KIAA1549L: variants seen among roughly 807,000 people sequenced by gnomAD.
KIAA1549L encodes the protein UPF0606 protein KIAA1549L.
KIAA1549L carries 88 observed loss-of-function variants against 160.7 expected under a neutral mutation model. That is an observed-to-expected ratio of 0.55 (90% CI 0.46 to 0.65). KIAA1549L has a LOEUF of 0.65. Ranked by LOEUF, KIAA1549L falls within the 30% of genes least tolerant of loss-of-function variation. The pLI is 0.00. For synonymous variants in KIAA1549L, 950 were observed against 976.7 expected, an observed-to-expected ratio of 0.97 and a Z score of 0.51; for missense variants, 2,258 against 2,437.5, an observed-to-expected ratio of 0.93 and a Z score of 1.55.
chr11:33,406,120 C>T (rs1359591525), intron 1 of KIAA1549L, among the ~76,000 whole-genome samples: 1 of 152,156 alleles, frequency 6.6e-6, no homozygotes, highest in Non-Finnish European at 1.5e-5. Flanking sequence ...GATGAGCCTC[C>T]CTTTTTTACT....
intron 19 of KIAA1549L, among the ~76,000 whole-genome samples, chr11:33,660,573 A>AAG (rs1554931713): frequency 6.6e-5 from 10 of 151,100 alleles, no homozygotes; most frequent in South Asian, 2.1e-4. Flanking sequence ...TCAAAAAAAA[A>AAG]AAAGAAAGAA....
At chr11:33,631,261 G>A (rs1240933597) in intron 16 of KIAA1549L, among the ~76,000 whole-genome samples, 1 of 152,190 alleles carries the variant, frequency 6.6e-6, no homozygotes, top group Non-Finnish European at 1.5e-5. Context: ...TGGCCCAGAT[G>A]TGCCCTTCTA....
chr11:33,484,884 C>A (rs1388898660), intron 1 of KIAA1549L, among the ~76,000 whole-genome samples: 1 of 152,030 alleles, frequency 6.6e-6, no homozygotes, highest in Non-Finnish European at 1.5e-5. Flanking sequence ...ATGGATCATG[C>A]CCCTACTGGC....
chr11:33,524,583 T>A (rs10219251), intron 1 of KIAA1549L, among the ~76,000 whole-genome samples: 30,841 of 152,184 alleles, frequency 0.2, 3,401 homozygotes, highest in East Asian at 0.34. Context: ...AATTAAAACA[T>A]TTCAGTCTAT....
chr11:33,569,195 C>T (rs1449837528), intron 9 of KIAA1549L, among the ~76,000 whole-genome samples: 2 of 152,308 alleles, frequency 1.3e-5, no homozygotes, highest in South Asian at 2.1e-4. Context: ...GATTCTAAAC[C>T]TTTCTAGAAA....
Position 33,668,906 on chromosome 11 carries a change from G to C in KIAA1549L, c.*752G>C, listed in dbSNP as rs531737539. ...TACAAGTTAGGATCTAACTGAAAGAGAATCGGTGCTAAGAGCTTTTAGGAT... is the reference window on the plus strand; with the variant it reads ...TACAAGTTAGGATCTAACTGAAAGACAATCGGTGCTAAGAGCTTTTAGGAT... On this transcript the variant is annotated 3_prime_UTR_variant, in exon 21 of 21. Coordinates refer to ENST00000658780, the MANE Select transcript of KIAA1549L (RefSeq NM_012194.3). 2 of 152,346 alleles carry C rather than the reference G, an allele frequency of 1.3e-5. No individual in the cohort carries two copies. The highest frequency in any genetic ancestry group is 1.9e-4 in the East Asian group (1 of 5,190). The allele number at this position is 152,346 out of a possible 1,614,324, so 9.4% of individuals were successfully genotyped here. A position where few individuals can be genotyped will look rare whatever the true frequency, so the allele number is the denominator to read the frequency against.
chr11:33,651,942 C>T (rs944593351), intron 17 of KIAA1549L, among the ~76,000 whole-genome samples: 7 of 128,586 alleles, frequency 5.4e-5, no homozygotes, highest in Non-Finnish European at 8.2e-5. Flanking sequence ...TTCCTTCCTT[C>T]GTTCCCTCCT....
chr11:33,494,748 C>T (rs1406042793), intron 1 of KIAA1549L, among the ~76,000 whole-genome samples: 1 of 152,148 alleles, frequency 6.6e-6, no homozygotes, highest in Non-Finnish European at 1.5e-5. Context: ...GGAAAAGAGC[C>T]ACTTTGGCTC....
chr11:33,500,713 A>G (rs774252288), intron 1 of KIAA1549L, among the ~76,000 whole-genome samples: 2 of 152,188 alleles, frequency 1.3e-5, no homozygotes, highest in African/African-American at 4.8e-5. Flanking sequence ...GGATATTCCA[A>G]TCACCCTGAT....
At chr11:33,596,109 C>T (rs1307132879) in intron 12 of KIAA1549L, among the ~76,000 whole-genome samples, 1 of 152,172 alleles carries the variant, frequency 6.6e-6, no homozygotes, top group African/African-American at 2.4e-5. Context: ...AATATTCTTC[C>T]CAGCTCCATG....
chr11:33,537,461 A>G (rs565799216), intron 1 of KIAA1549L, among the ~76,000 whole-genome samples: 1 of 152,334 alleles, frequency 6.6e-6, no homozygotes, highest in East Asian at 1.9e-4. Context: ...GAGGGAAGAA[A>G]GGAAGGAAGG....
chr11:33,647,585 A>AT (rs1202946825), intron 17 of KIAA1549L, among the ~76,000 whole-genome samples: 1 of 152,106 alleles, frequency 6.6e-6, no homozygotes, highest in Non-Finnish European at 1.5e-5. Flanking sequence ...TAGCATCTAA[A>AT]ATATATATTT....
intron 1 of KIAA1549L, among the ~76,000 whole-genome samples, chr11:33,382,844 G>A (rs1022377227): frequency 3.2e-4 from 49 of 152,132 alleles, no homozygotes; most frequent in African/African-American, 1.2e-3. Context: ...ACTTCCCCTG[G>A]CCCTCCTCGG....
chr11:33,606,436 G>A (rs1850502456), intron 13 of KIAA1549L, among the ~76,000 whole-genome samples: 1 of 152,106 alleles, frequency 6.6e-6, no homozygotes, highest in Non-Finnish European at 1.5e-5. Flanking sequence ...CCATGATAAG[G>A]CAATGGAGGG....
chr11:33,457,843 C>T (rs138216100), intron 1 of KIAA1549L, among the ~76,000 whole-genome samples: 8 of 152,314 alleles, frequency 5.3e-5, no homozygotes, highest in African/African-American at 1.9e-4. Flanking sequence ...CATTCTGGCC[C>T]TCTTGGTTTG....
At chr11:33,661,126 T>C (rs1182795361) in intron 20 of KIAA1549L, 112 bp downstream of exon 20, 1 of 1,059,666 alleles carries the variant, frequency 9.4e-7, no homozygotes, top group Middle Eastern at 2.1e-4. Context: ...CTCCTCACAG[T>C]ACCCGGATGA....
chr11:33,420,877 T>C (rs1039640648), intron 1 of KIAA1549L, among the ~76,000 whole-genome samples: 2 of 152,128 alleles, frequency 1.3e-5, no homozygotes, highest in Admixed American at 1.3e-4. Context: ...CATTTTTTCA[T>C]TGAGTTAATG....
chr11:33,444,257 A>G (rs1851565768), intron 1 of KIAA1549L, among the ~76,000 whole-genome samples: 1 of 152,242 alleles, frequency 6.6e-6, no homozygotes, highest in Non-Finnish European at 1.5e-5. Context: ...ATCACTGGAA[A>G]CAATCCAATT....
At chr11:33,395,322 C>T (rs16924279) in intron 1 of KIAA1549L, among the ~76,000 whole-genome samples, 17,125 of 152,154 alleles carry the variant, frequency 0.11, 1,619 homozygotes, top group African/African-American at 0.26. Flanking sequence ...ATGTTCATAA[C>T]GCGCTTAACT....
Sources: gnomAD v4.1 joint callset for allele counts (sites outside exome capture counted in the v4.1 genomes callset) on GRCh38, gnomAD v4.1.1 for gene constraint, MANE v1.5 for transcripts, NCBI Gene and HGNC (gene_info 2026-07-23, HGNC 2026-07-21) for gene names.